Variants in ASMTL observed in about 807,000 individuals in gnomAD.
ASMTL encodes the protein acetylserotonin O-methyltransferase like.
Under a neutral mutation model 60.3 loss-of-function variants are expected in ASMTL, and 57 were observed. The ratio of observed to expected loss-of-function variants is 0.95; its 90% confidence interval spans 0.76 to 1.18. The LOEUF (loss-of-function observed/expected upper bound fraction) is 1.18. Among genes scored for constraint, ASMTL ranks in the 50% most tolerant of loss-of-function variants. ASMTL has a pLI of 0.00. For missense variants in ASMTL, 981 were observed against 852.6 expected (o/e 1.15, Z -1.88); for synonymous variants, 419 against 373.0 (o/e 1.12, Z -1.42).
rs1266767396 is a variant in ASMTL at position 1,439,156 on chromosome X, C to G, written c.226-12G>C. ...GCCCGCAGGTCTTTCTGTAAGAAAA[C>G]CAGATTCCGGTTTACCGGTGACGTG... On this transcript the variant is annotated splice_polypyrimidine_tract_variant and intron_variant, in intron 2 of 12. Transcript: ENST00000381317. 6.2e-7 allele frequency: 1 copy of G among 1,613,958 alleles called. No homozygotes were observed. The highest frequency in any genetic ancestry group is 8.5e-7 in the Non-Finnish European group (1 of 1,179,818).
intron 12 of ASMTL, among the ~76,000 whole-genome samples, chrX:1,412,302 A>G (rs1349555397): frequency 4.6e-5 from 7 of 151,904 alleles, no homozygotes; most frequent in South Asian, 2.1e-4. Context: ...ATCTCGGCTC[A>G]CTGCAGTCTC....
chrX:1,453,074 T>C, upstream of ASMTL: 1 of 506,414 alleles, frequency 2.0e-6, no homozygotes, highest in Non-Finnish European at 3.3e-6. Context: ...CACACCTCCA[T>C]TGCCCTCTCC....
chrX:1,447,075 A>T (rs1443583966), intron 1 of ASMTL, among the ~76,000 whole-genome samples: 5 of 152,204 alleles, frequency 3.3e-5, no homozygotes, highest in African/African-American at 1.2e-4. Context: ...TAAAAGCTAG[A>T]TGTTTCAACG....
chrX:1,440,926 T>A (rs2091093820), intron 2 of ASMTL, among the ~76,000 whole-genome samples: 1 of 152,150 alleles, frequency 6.6e-6, no homozygotes, highest in Non-Finnish European at 1.5e-5. Flanking sequence ...TGGATGTTAA[T>A]TCTATATCGT....
intron 12 of ASMTL, among the ~76,000 whole-genome samples, chrX:1,411,027 A>C (rs1160613478): frequency 6.6e-6 from 1 of 151,276 alleles, no homozygotes; most frequent in African/African-American, 2.4e-5. Context: ...CTCTATTAAA[A>C]ATAAAAAATT....
chrX:1,427,511 G>A (rs1389844297), intron 7 of ASMTL, among the ~76,000 whole-genome samples: 2 of 151,290 alleles, frequency 1.3e-5, no homozygotes, highest in Admixed American at 1.3e-4. Flanking sequence ...ACGTGGCAGA[G>A]ACTGGAGTGA....
At chrX:1,405,720 G>A (rs1480359853) in intron 12 of ASMTL, among the ~76,000 whole-genome samples, 4 of 151,750 alleles carry the variant, frequency 2.6e-5, no homozygotes, top group Admixed American at 1.3e-4. Context: ...TGGATATATG[G>A]ATGTATGGAT....
At position 1,440,785 on chromosome X, in the gene ASMTL, T is replaced by A. The variant is rs147623519; in HGVS notation, c.225+1401A>T. Among the ~76,000 whole-genome samples, 453 of 152,206 alleles carry A rather than the reference T, an allele frequency of 3.0e-3. 3 individuals are homozygous for A. The highest frequency in any genetic ancestry group is 0.011 in the African/African-American group (437 of 41,530). ...CCCATCTCTACTAAAATAATATGTA[T>A]TACATAGGAGCATATAGTAACAGAT... On this transcript the variant is annotated intron_variant, in intron 2 of 12. Transcript: ENST00000381317.
intron 1 of ASMTL, among the ~76,000 whole-genome samples, chrX:1,443,612 C>T (rs36168745): frequency 0.026 from 3,931 of 149,674 alleles, 215 homozygotes; most frequent in African/African-American, 0.091. Flanking sequence ...ACACCGCCAT[C>T]GTGGACAGAC....
upstream of ASMTL, chrX:1,453,469 A>G (rs1177500666): frequency 6.3e-6 from 1 of 159,036 alleles, no homozygotes; most frequent in Non-Finnish European, 1.4e-5. Flanking sequence ...CGGCGCCAAG[A>G]CCTGCAATGG....
chrX:1,433,612 G>A (rs752528738), intron 5 of ASMTL, among the ~76,000 whole-genome samples: 29 of 151,874 alleles, frequency 1.9e-4, no homozygotes, highest in South Asian at 4.2e-4. Context: ...CCCGGGAGGC[G>A]GAGCTTGCAG....
rs183487118 is a variant in ASMTL at position 1,426,670 on chromosome X, T to C, written c.898-983A>G. Among the ~76,000 whole-genome samples the C allele has an allele frequency of 3.0e-3, 464 of 152,194 alleles. 2 individuals carry two copies. Among genetic ancestry groups the C allele is most frequent in the African/African-American group, 9.9e-3 (412 of 41,528 alleles). ...GAGTTCGAGACCATCCTGGCCAACA[T>C]AGCGAAACCCTGTCTCTACTAAAAG... On this transcript the variant is annotated intron_variant, in intron 7 of 12. Coordinates refer to ENST00000381317, the MANE Select transcript of ASMTL (RefSeq NM_004192.4).
In ASMTL at chrX:1,406,282, G is replaced by T. The variant is rs2089836149; in HGVS notation, c.1646-2793C>A. ...AATAGATGGGTGCATGGATGAGATGGATGGTTGGGTGAATAGATGGTAGAT... is the reference window on the plus strand; with the variant it reads ...AATAGATGGGTGCATGGATGAGATGTATGGTTGGGTGAATAGATGGTAGAT... On this transcript the variant is annotated intron_variant, in intron 12 of 12. Transcript: ENST00000381317. Among the ~76,000 whole-genome samples, 5 of 151,568 alleles carry T rather than the reference G, an allele frequency of 3.3e-5. No individual in the cohort carries two copies. In the South Asian group the frequency reaches 8.4e-4, roughly 25 times the overall value.
At chrX:1,421,087 G>C (rs1385086910) in intron 9 of ASMTL, among the ~76,000 whole-genome samples, 1 of 151,838 alleles carries the variant, frequency 6.6e-6, no homozygotes, top group Non-Finnish European at 1.5e-5. Context: ...AGCCTCTTGA[G>C]TAGCTGGGAC....
intron 11 of ASMTL, among the ~76,000 whole-genome samples, chrX:1,417,190 T>TG (rs1387730904): frequency 1.3e-5 from 2 of 148,206 alleles, no homozygotes; most frequent in Admixed American, 6.7e-5. Flanking sequence ...TGCACACAGA[T>TG]GCAGACGTAC....
At chrX:1,440,773 AAAT>A (rs1215704481) in intron 2 of ASMTL, among the ~76,000 whole-genome samples, 1 of 152,168 alleles carries the variant, frequency 6.6e-6, no homozygotes, top group African/African-American at 2.4e-5. Flanking sequence ...ATCTCTACTA[AAAT>A]AATATGTATT....
At chrX:1,417,449 C>A (rs1400319880) in intron 11 of ASMTL, among the ~76,000 whole-genome samples, 2 of 150,812 alleles carry the variant, frequency 1.3e-5, no homozygotes, top group Non-Finnish European at 2.9e-5. Context: ...CAAGGACATA[C>A]TACACAGACG....
chrX:1,418,145 G>T, intron 10 of ASMTL, 29 bp from the exon 11 acceptor site: 1 of 1,569,024 alleles, frequency 6.4e-7, no homozygotes, highest in Non-Finnish European at 8.7e-7. Context: ...ATGCTCTGTG[G>T]CTGGGTCGTC....
chrX:1,420,500 G>A (rs1234279470), intron 9 of ASMTL, among the ~76,000 whole-genome samples: 1 of 152,138 alleles, frequency 6.6e-6, no homozygotes, highest in Admixed American at 6.6e-5. Flanking sequence ...TGCCACAGAA[G>A]CTCGGCCAGC....
Sources: allele counts gnomAD v4.1 joint callset (sites outside exome capture counted in the v4.1 genomes callset), GRCh38; gene constraint gnomAD v4.1.1; transcripts MANE v1.5; gene names NCBI Gene and HGNC (gene_info 2026-07-23, HGNC 2026-07-21).